The following KCNAB1 variants were observed in gnomAD, a reference collection of about 807,000 sequenced individuals.
KCNAB1 encodes potassium voltage-gated channel subfamily A regulatory beta subunit 1, also known as voltage-gated potassium channel subunit beta-1.
KCNAB1 carries 35 observed loss-of-function variants against 64.6 expected under a neutral mutation model. The ratio of observed to expected loss-of-function variants is 0.54; its 90% CI spans 0.41 to 0.72. KCNAB1 has a LOEUF of 0.72. Among genes scored for constraint, KCNAB1 ranks in the 30% least tolerant of loss-of-function variants. KCNAB1 has a pLI of 0.00. For synonymous variants in KCNAB1, 177 were observed against 183.8 expected (o/e 0.96, Z 0.30); for missense variants, 401 against 512.9 (o/e 0.78, Z 2.11).
At chr3:156,520,141 A>G (rs1458683085) in intron 11 of KCNAB1, among the ~76,000 whole-genome samples, 1 of 152,246 alleles carries the variant, frequency 6.6e-6, no homozygotes, top group Non-Finnish European at 1.5e-5. Context: ...TAAGAGGTAC[A>G]TAAGTCTTTG....
In KCNAB1 at chr3:156,409,327, C is replaced by T. The variant is rs116633764; in HGVS notation, c.276-12289C>T. Among the ~76,000 whole-genome samples the T allele has an allele frequency of 3.0e-3, 462 of 152,286 alleles. 1 individual carries two copies. Among genetic ancestry groups the T allele is most frequent in the African/African-American group, 0.011 (442 of 41,550 alleles). The stretch of plus-strand genomic sequence containing the variant: ...TAATTTTCTGGGATGGATTAATTCA[C>T]AAATGCATAAAGTAAGGTTATTTCA... On this transcript the variant is annotated intron_variant, in intron 1 of 13. Transcript: ENST00000490337.
chr3:156,448,774 A>G (rs567655652), intron 2 of KCNAB1, among the ~76,000 whole-genome samples: 2 of 134,378 alleles, frequency 1.5e-5, no homozygotes, highest in Admixed American at 6.9e-5. Context: ...TCATTTTTCT[A>G]TAAGTCATAA....
At chr3:156,416,270 C>G (rs1226758036) in intron 1 of KCNAB1, among the ~76,000 whole-genome samples, 1 of 152,196 alleles carries the variant, frequency 6.6e-6, no homozygotes, top group Admixed American at 6.5e-5. Flanking sequence ...GCAACATAAT[C>G]TTTAAGGCAC....
chr3:156,518,867 T>C (rs1175390704), intron 11 of KCNAB1, among the ~76,000 whole-genome samples: 1 of 152,166 alleles, frequency 6.6e-6, no homozygotes, highest in Non-Finnish European at 1.5e-5. Flanking sequence ...CATCTCCAAG[T>C]AGAAGTCCCA....
At chr3:156,251,578 C>T (rs1387120937) in intron 1 of KCNAB1, among the ~76,000 whole-genome samples, 5 of 152,076 alleles carry the variant, frequency 3.3e-5, no homozygotes, top group Non-Finnish European at 5.9e-5. Flanking sequence ...ATGGCATTTG[C>T]TCATTTGGTC....
chr3:156,489,397 G>A (rs147123579), intron 8 of KCNAB1, among the ~76,000 whole-genome samples: 93 of 151,316 alleles, frequency 6.1e-4, no homozygotes, highest in African/African-American at 2.1e-3. Flanking sequence ...GGTCAAGTAA[G>A]ATGAAGACGG....
At chr3:156,226,000 A>G (rs1291041306) in intron 1 of KCNAB1, among the ~76,000 whole-genome samples, 4 of 152,216 alleles carry the variant, frequency 2.6e-5, no homozygotes, top group Non-Finnish European at 4.4e-5. Context: ...TGCCAAAAGC[A>G]ATCTATAAAT....
At chr3:156,318,596 A>G (rs189867301) in intron 1 of KCNAB1, among the ~76,000 whole-genome samples, 26 of 152,320 alleles carry the variant, frequency 1.7e-4, no homozygotes, top group African/African-American at 5.8e-4. Context: ...TGGTGCCTAT[A>G]AGAGCGTATG....
intron 1 of KCNAB1, among the ~76,000 whole-genome samples, chr3:156,268,180 T>A (rs1718830084): frequency 6.6e-6 from 1 of 152,120 alleles, no homozygotes. Flanking sequence ...CATAATGACC[T>A]CCTTGTTGCA....
At chr3:156,391,997 G>A (rs1713074731) in intron 1 of KCNAB1, among the ~76,000 whole-genome samples, 1 of 152,190 alleles carries the variant, frequency 6.6e-6, no homozygotes, top group South Asian at 2.1e-4. Context: ...GCTTGGAGAA[G>A]AGAACCGAAG....
chr3:156,442,768 C>T (rs534322077), intron 2 of KCNAB1, among the ~76,000 whole-genome samples: 13 of 152,290 alleles, frequency 8.5e-5, no homozygotes, highest in Middle Eastern at 3.4e-3. Flanking sequence ...GCCCTAGGAT[C>T]CCTTCAACAG....
At chr3:156,244,319 T>C (rs1717334960) in intron 1 of KCNAB1, among the ~76,000 whole-genome samples, 1 of 152,192 alleles carries the variant, frequency 6.6e-6, no homozygotes, top group Non-Finnish European at 1.5e-5. Flanking sequence ...TCACCTCTCC[T>C]TTTCTCACTT....
intron 1 of KCNAB1, among the ~76,000 whole-genome samples, chr3:156,200,944 G>C (rs944196638): frequency 6.6e-6 from 1 of 152,200 alleles, no homozygotes; most frequent in Non-Finnish European, 1.5e-5. Context: ...GAAACCCAGG[G>C]CCCTGGTGTT....
intron 1 of KCNAB1, chr3:156,291,271 G>A: frequency 2.0e-6 from 2 of 987,426 alleles, no homozygotes; most frequent in Non-Finnish European, 2.4e-6. Flanking sequence ...TGAGTGGGGA[G>A]GGGTCTTGAG....
chr3:156,352,041 G>T (rs965264660), intron 1 of KCNAB1, among the ~76,000 whole-genome samples: 2 of 152,220 alleles, frequency 1.3e-5, no homozygotes, highest in African/African-American at 2.4e-5. Context: ...CTGGCTCAGG[G>T]GCTGCTACCC....
At chr3:156,331,045 G>A (rs1225580468) in intron 1 of KCNAB1, among the ~76,000 whole-genome samples, 1 of 152,318 alleles carries the variant, frequency 6.6e-6, no homozygotes, top group East Asian at 1.9e-4. Context: ...CCCAGGAAGA[G>A]GTTCTTGTGG....
At chr3:156,160,333 A>G (rs1159097779) in intron 1 of KCNAB1, among the ~76,000 whole-genome samples, 4 of 152,224 alleles carry the variant, frequency 2.6e-5, no homozygotes, top group Admixed American at 2.6e-4. Flanking sequence ...TAGAAATAAC[A>G]ATACCTATCC....
At chr3:156,311,547 G>T (rs914038746) in intron 1 of KCNAB1, among the ~76,000 whole-genome samples, 1 of 152,166 alleles carries the variant, frequency 6.6e-6, no homozygotes, top group Non-Finnish European at 1.5e-5. Context: ...TGGAGCAGAG[G>T]CATGGGGAGT....
At chr3:156,337,759 G>A (rs543179186) in intron 1 of KCNAB1, among the ~76,000 whole-genome samples, 13 of 152,274 alleles carry the variant, frequency 8.5e-5, no homozygotes, top group South Asian at 8.3e-4. Flanking sequence ...ACTCAGCCTC[G>A]TGTGAAAGAG....
Sources: gnomAD v4.1 joint callset for allele counts (sites outside exome capture counted in the v4.1 genomes callset) on GRCh38, gnomAD v4.1.1 for gene constraint, MANE v1.5 for transcripts, NCBI Gene and HGNC (gene_info 2026-07-23, HGNC 2026-07-21) for gene names.